IPO11: variants seen among roughly 807,000 people sequenced by gnomAD.
IPO11 encodes importin-11.
In IPO11, 66 loss-of-function variants were observed where a neutral mutation model predicts 143.2. The ratio of observed to expected loss-of-function variants is 0.46; its 90% CI spans 0.38 to 0.57. The LOEUF (loss-of-function observed/expected upper bound fraction) is 0.57, where lower values mean the gene tolerates loss of function less well. Among genes scored for constraint, IPO11 ranks in the 20% least tolerant of loss-of-function variants. The pLI is 0.00. For missense variants in IPO11, 1,026 were observed against 1,141.0 expected (o/e 0.90, Z 1.45); for synonymous variants, 385 against 377.8 (o/e 1.02, Z -0.22).
rs545817315 is a variant in IPO11, at chr5:62,571,688, C to CT, written c.2582+10448dup. ...CCCTATGGGGATGGACATTATTAAA[C>CT]TTTTTTTTTTTTTTTTTGAGACAGC... On this transcript the variant is annotated intron_variant, in intron 27 of 29. Coordinates refer to ENST00000325324, the MANE Select transcript of IPO11 (RefSeq NM_016338.5). Among the ~76,000 whole-genome samples, 468 of 140,788 alleles carry CT rather than the reference C, an allele frequency of 3.3e-3. 1 individual carries two copies. Among genetic ancestry groups the CT allele is most frequent in the South Asian group, 7.3e-3 (32 of 4,372 alleles). The allele number at this position is 140,788 out of a possible 152,430, so 92.4% of individuals were successfully genotyped here. A position where few individuals can be genotyped will look rare whatever the true frequency, so the allele number is the denominator to read the frequency against.
At chr5:62,417,681 T>A (rs1743349585) in intron 1 of IPO11, among the ~76,000 whole-genome samples, 1 of 152,152 alleles carries the variant, frequency 6.6e-6, no homozygotes, top group African/African-American at 2.4e-5. Context: ...CAATGCACAC[T>A]CTTCATGAAT....
intron 27 of IPO11, among the ~76,000 whole-genome samples, chr5:62,565,567 T>C (rs6880585): frequency 2.2e-3 from 334 of 152,312 alleles, no homozygotes; most frequent in African/African-American, 7.6e-3. Flanking sequence ...CCAAGCACTC[T>C]TCATCATTCC....
intron 1 of IPO11, among the ~76,000 whole-genome samples, chr5:62,427,000 C>T (rs1201181410): frequency 2.2e-5 from 3 of 139,126 alleles, no homozygotes; most frequent in African/African-American, 2.7e-5. Context: ...TGCAATGGCG[C>T]GATCTCGGCT....
chr5:62,564,486 T>C (rs1327829501), intron 27 of IPO11, among the ~76,000 whole-genome samples: 1 of 152,228 alleles, frequency 6.6e-6, no homozygotes, highest in Non-Finnish European at 1.5e-5. Flanking sequence ...AAATAAGGCA[T>C]GTCTAAAGTA....
intron 12 of IPO11, 139 bp from the exon 13 acceptor site, chr5:62,487,631 CT>C (rs5868310): frequency 5.0e-3 from 3,629 of 732,208 alleles, no homozygotes; most frequent in East Asian, 8.4e-3. Context: ...GGTAACCTTA[CT>C]TTTTTTTTTT....
At chr5:62,423,186 A>G (rs1743580565) in intron 1 of IPO11, among the ~76,000 whole-genome samples, 4 of 152,032 alleles carry the variant, frequency 2.6e-5, no homozygotes, top group African/African-American at 9.7e-5. Context: ...TGTTTTTTGT[A>G]GATATTTCTG....
chr5:62,530,300 A>G lies in IPO11; in HGVS notation c.2013-409A>G, dbSNP rs111424633. ...ACATATACCAAAATTCATGCATACTAAAGTCCCGCAGTCAGCCCTGCGGAA... is the reference window on the plus strand; with the variant it reads ...ACATATACCAAAATTCATGCATACTGAAGTCCCGCAGTCAGCCCTGCGGAA... On this transcript the variant is annotated intron_variant, in intron 21 of 29. Coordinates refer to ENST00000325324, the MANE Select transcript of IPO11 (RefSeq NM_016338.5). 8.9e-4 allele frequency among the ~76,000 whole-genome samples: 135 copies of G among 152,314 alleles called. 3 individuals are homozygous for G. Among genetic ancestry groups the G allele is most frequent in the African/African-American group, 3.2e-3 (131 of 41,572 alleles).
chr5:62,470,173 A>G, intron 6 of IPO11, 77 bp from the exon 7 acceptor site: 2 of 1,389,788 alleles, frequency 1.4e-6, no homozygotes, highest in Non-Finnish European at 2.0e-6. Context: ...TAAGTTTTGC[A>G]ATTCTGAATC....
At chr5:62,514,009 A>C (rs1213854941) in intron 19 of IPO11, among the ~76,000 whole-genome samples, 1 of 141,914 alleles carries the variant, frequency 7.0e-6, no homozygotes, top group Non-Finnish European at 1.5e-5. Flanking sequence ...CCGGGCAGAG[A>C]CGCTCCTCAC....
At chr5:62,413,794 T>C (rs1046560643) in intron 1 of IPO11, among the ~76,000 whole-genome samples, 1 of 152,214 alleles carries the variant, frequency 6.6e-6, no homozygotes, top group African/African-American at 2.4e-5. Flanking sequence ...ATTTTCTTCC[T>C]CCATTTTCAT....
chr5:62,467,313 A>C (rs778966632), intron 6 of IPO11, 50 bp downstream of exon 6: 1 of 1,557,274 alleles, frequency 6.4e-7, no homozygotes, highest in Non-Finnish European at 8.7e-7. Context: ...ACCTCAGAAC[A>C]GTCACCAAAT....
Position 62,450,017 on chromosome 5 carries a change from G to A in IPO11, c.312+18G>A, listed in dbSNP as rs1744855139. The A allele has an allele frequency of 6.5e-7, 1 of 1,542,094 alleles. No homozygotes were observed. Among genetic ancestry groups the A allele is most frequent in the African/African-American group, 1.4e-5 (1 of 72,136 alleles). On this transcript the variant is annotated intron_variant, in intron 4 of 29. Coordinates refer to ENST00000325324, the MANE Select transcript of IPO11 (RefSeq NM_016338.5). The stretch of plus-strand genomic sequence containing the variant: ...TAAACCAGGTTAGTGAGAAATGAAT[G>A]CTAATTTTTCTTTTTATTTGTACTG...
chr5:62,470,816 CTTTTTTTTTTTTTTTT>C (rs70981015), intron 7 of IPO11, among the ~76,000 whole-genome samples: 1 of 62,560 alleles, frequency 1.6e-5, no homozygotes, highest in African/African-American at 6.8e-5. Flanking sequence ...TAGCCATCTT[CTTTTTTTTTTTTTTTT>C]TTTTTTTTTT....
chr5:62,470,882 C>T (rs1323192336), intron 7 of IPO11, among the ~76,000 whole-genome samples: 1 of 118,634 alleles, frequency 8.4e-6, no homozygotes, highest in East Asian at 2.9e-4. Flanking sequence ...GGCTGGAGTG[C>T]AGTGGTGCAG....
intron 5 of IPO11, among the ~76,000 whole-genome samples, chr5:62,463,146 A>T (rs1183454344): frequency 1.3e-5 from 2 of 151,808 alleles, no homozygotes; most frequent in Non-Finnish European, 2.9e-5. Context: ...GGTTCAAATG[A>T]TCCTCCCACC....
chr5:62,513,446 G>T (rs1469123323), intron 19 of IPO11, among the ~76,000 whole-genome samples: 2 of 138,640 alleles, frequency 1.4e-5, no homozygotes, highest in South Asian at 2.4e-4. Context: ...GGACGGAGCG[G>T]CTGGCTGGGC....
intron 24 of IPO11, among the ~76,000 whole-genome samples, chr5:62,548,295 T>C (rs1743277224): frequency 6.6e-6 from 1 of 152,190 alleles, no homozygotes; most frequent in South Asian, 2.1e-4. Flanking sequence ...ATGTCCAATA[T>C]GTTCAGACAC....
At chr5:62,619,528 A>G (rs542471334) in intron 29 of IPO11, among the ~76,000 whole-genome samples, 10 of 152,188 alleles carry the variant, frequency 6.6e-5, no homozygotes, top group Non-Finnish European at 1.2e-4. Context: ...ATAGAATATT[A>G]TGTCTTTACC....
intron 1 of IPO11, among the ~76,000 whole-genome samples, chr5:62,431,098 T>G (rs1743969480): frequency 6.6e-6 from 1 of 151,952 alleles, no homozygotes; most frequent in African/African-American, 2.4e-5. Context: ...TGCCTCAACC[T>G]CCTGAGTAGC....
Sources: allele counts gnomAD v4.1 joint callset (sites outside exome capture counted in the v4.1 genomes callset), GRCh38; gene constraint gnomAD v4.1.1; transcripts MANE v1.5; gene names NCBI Gene and HGNC (gene_info 2026-07-23, HGNC 2026-07-21).